KLF12: variants seen among roughly 807,000 people sequenced by gnomAD.
KLF12 encodes the protein Krueppel-like factor 12.
A neutral mutation model predicts 37.8 loss-of-function variants in KLF12; 9 were observed. The observed-to-expected ratio is 0.24, with a 90% confidence interval of 0.14 to 0.42. The LOEUF (loss-of-function observed/expected upper bound fraction) is 0.42. KLF12 is among the 10% of genes least tolerant of loss of function. The probability of loss-of-function intolerance (pLI) is 1.00; values close to 1 mark genes in which losing one functional copy is unlikely to be tolerated. For synonymous variants in KLF12, 208 were observed against 202.1 expected (o/e 1.03, Z -0.25); for missense variants, 411 against 516.0 (o/e 0.80, Z 1.97).
At chr13:74,144,343 C>T in the KLF12 span, among the ~76,000 whole-genome samples, 14 of 152,226 alleles carry the variant, frequency 9.2e-5, no homozygotes, top group African/African-American at 3.4e-4. Flanking sequence ...CTCAGGACTT[C>T]CACTAGTTAT....
the KLF12 span, among the ~76,000 whole-genome samples, chr13:74,289,932 A>G: frequency 6.6e-6 from 1 of 152,320 alleles, no homozygotes; most frequent in South Asian, 2.1e-4. Flanking sequence ...TAAAAACTTG[A>G]GTGGGCTCTC....
At chr13:73,925,152 T>G (rs78658261) in intron 3 of KLF12, among the ~76,000 whole-genome samples, 1 of 152,186 alleles carries the variant, frequency 6.6e-6, no homozygotes, top group Non-Finnish European at 1.5e-5. Context: ...ATTGATGAAG[T>G]TGAGAATATA....
At position 73,725,595 on chromosome 13, in the gene KLF12, G is replaced by GA. The variant is rs200367758; in HGVS notation, c.870-10071dup. Among the ~76,000 whole-genome samples the GA allele has an allele frequency of 5.7e-4, 83 of 145,618 alleles. 1 individual carries two copies. The highest frequency in any genetic ancestry group is 4.2e-3 in the East Asian group (21 of 4,982). The stretch of plus-strand genomic sequence containing the variant: ...TCAATAAGCTCATAATATCTTTAAG[G>GA]AAAAAAAAAAAGACAAAATAAGGAT... On this transcript the variant is annotated intron_variant, in intron 6 of 7. Coordinates refer to ENST00000377669, the MANE Select transcript of KLF12 (RefSeq NM_007249.5).
chr13:73,776,532 C>T (rs1880618187), intron 5 of KLF12, among the ~76,000 whole-genome samples: 1 of 152,164 alleles, frequency 6.6e-6, no homozygotes, highest in African/African-American at 2.4e-5. Context: ...TAGCAATGCA[C>T]CCACCATACA....
rs189256597 is a variant in KLF12, at chr13:73,854,591, C to G, written c.124-8218G>C. On this transcript the variant is annotated intron_variant, in intron 3 of 7. Coordinates refer to ENST00000377669, the MANE Select transcript of KLF12 (RefSeq NM_007249.5). ...ACAATGGCTTTGCTTTTTGGATAAC[C>G]CAGTGGTTCCTTTGGTAGTATCCAT... Among the ~76,000 whole-genome samples the G allele has an allele frequency of 4.3e-3, 654 of 152,196 alleles. 4 individuals are homozygous for G. The highest frequency in any genetic ancestry group is 6.8e-3 in the Middle Eastern group (2 of 294).
chr13:73,912,070 C>T (rs1213577106), intron 3 of KLF12, among the ~76,000 whole-genome samples: 1 of 152,174 alleles, frequency 6.6e-6, no homozygotes, highest in East Asian at 1.9e-4. Context: ...AAATAGTTTC[C>T]ACACAGCTTC....
intron 3 of KLF12, among the ~76,000 whole-genome samples, chr13:73,916,026 T>C (rs1021191008): frequency 6.6e-6 from 1 of 152,300 alleles, no homozygotes; most frequent in South Asian, 2.1e-4. Context: ...AAATTTGTAG[T>C]GTTCTCTGTC....
intron 1 of KLF12, among the ~76,000 whole-genome samples, chr13:74,065,557 G>A (rs1470316349): frequency 1.3e-5 from 2 of 152,092 alleles, no homozygotes; most frequent in South Asian, 2.1e-4. Flanking sequence ...TCAGGTCAAG[G>A]ATGAGAATAT....
chr13:74,033,939 A>G (rs975883302), intron 1 of KLF12, among the ~76,000 whole-genome samples: 6 of 151,180 alleles, frequency 4.0e-5, no homozygotes, highest in African/African-American at 1.5e-4. Context: ...TTTTAATCTT[A>G]CCCAAGCTGA....
chr13:74,110,799 ACTCAAGGGTTTGTAAT>A (rs1263254932), intron 1 of KLF12, among the ~76,000 whole-genome samples: 1 of 152,068 alleles, frequency 6.6e-6, no homozygotes, highest in African/African-American at 2.4e-5. Context: ...AAACATAAGA[ACTCAAGGGTTTGTAAT>A]CTGCAAATAG....
chr13:73,750,442 C>T (rs1878663419), intron 6 of KLF12, among the ~76,000 whole-genome samples: 1 of 152,004 alleles, frequency 6.6e-6, no homozygotes, highest in African/African-American at 2.4e-5. Flanking sequence ...TGGAGCCAGG[C>T]AAGGACAGCC....
intron 1 of KLF12, among the ~76,000 whole-genome samples, chr13:74,084,929 G>A (rs1294787119): frequency 6.6e-6 from 1 of 152,136 alleles, no homozygotes; most frequent in African/African-American, 2.4e-5. Flanking sequence ...TAGTTTGCAG[G>A]AGGTTTTGTT....
intron 3 of KLF12, among the ~76,000 whole-genome samples, chr13:73,881,150 C>T (rs940721904): frequency 6.6e-6 from 1 of 152,026 alleles, no homozygotes; most frequent in Non-Finnish European, 1.5e-5. Context: ...TTAGGGGAAA[C>T]TTACTCCATT....
chr13:73,736,230 C>G (rs1249131376), intron 6 of KLF12, among the ~76,000 whole-genome samples: 1 of 152,106 alleles, frequency 6.6e-6, no homozygotes. Flanking sequence ...CCATCAAAAT[C>G]CACATAATGT....
chr13:73,907,975 G>C (rs1216210308), intron 3 of KLF12, among the ~76,000 whole-genome samples: 1 of 152,058 alleles, frequency 6.6e-6, no homozygotes, highest in African/African-American at 2.4e-5. Flanking sequence ...TCCTCCTTCA[G>C]GTCTTTGTAC....
At chr13:74,162,081 G>A in the KLF12 span, among the ~76,000 whole-genome samples, 3 of 152,152 alleles carry the variant, frequency 2.0e-5, no homozygotes, top group Admixed American at 6.6e-5. Flanking sequence ...CACTGGAAAA[G>A]TGGCAGCCAC....
intron 3 of KLF12, among the ~76,000 whole-genome samples, chr13:73,917,766 T>C (rs1005625365): frequency 6.6e-6 from 1 of 152,214 alleles, no homozygotes; most frequent in African/African-American, 2.4e-5. Context: ...GTGTAAACTC[T>C]TTGTATTGGA....
In KLF12 at chr13:73,738,092, C is replaced by CATATAT. The variant is rs778759106; in HGVS notation, c.870-22573_870-22568dup. ...ATACACACACATATATGTATGTGTA[C>CATATAT]ATATATATATATATATATATATATA... On this transcript the variant is annotated intron_variant, in intron 6 of 7. Transcript: ENST00000377669. Among the ~76,000 whole-genome samples, 678 of 116,640 alleles carry CATATAT rather than the reference C, an allele frequency of 5.8e-3. 12 individuals are homozygous for CATATAT. Among genetic ancestry groups the CATATAT allele is most frequent in the East Asian group, 0.043 (155 of 3,614 alleles). The allele number at this position is 116,640 out of a possible 152,430, so 76.5% of individuals were successfully genotyped here.
the KLF12 span, among the ~76,000 whole-genome samples, chr13:74,146,234 G>A: frequency 1.3e-5 from 2 of 152,172 alleles, no homozygotes; most frequent in African/African-American, 4.8e-5. Context: ...AATATGTCAG[G>A]AATACAGACT....
Sources: gnomAD v4.1 joint callset for allele counts (sites outside exome capture counted in the v4.1 genomes callset) on GRCh38, gnomAD v4.1.1 for gene constraint, MANE v1.5 for transcripts, NCBI Gene and HGNC (gene_info 2026-07-23, HGNC 2026-07-21) for gene names.